Variants in CACNA2D1 observed in about 807,000 individuals in gnomAD.
CACNA2D1 encodes the protein calcium voltage-gated channel auxiliary subunit alpha2delta 1.
Under a neutral mutation model 171.5 loss-of-function variants are expected in CACNA2D1, and 53 were observed. The ratio of observed to expected loss-of-function variants is 0.31; its 90% confidence interval spans 0.25 to 0.39. The LOEUF is 0.39. Ranked by LOEUF, CACNA2D1 falls within the 10% of genes least tolerant of loss-of-function variation. The pLI, the probability that CACNA2D1 is intolerant of heterozygous loss-of-function variation, is 1.00. For synonymous variants in CACNA2D1, 442 were observed against 443.1 expected, an observed-to-expected ratio of 1.00 and a Z score of 0.03; for missense variants, 903 against 1,299.8, an observed-to-expected ratio of 0.69 and a Z score of 4.69.
At chr7:82,142,059 T>C (rs1792459854) in intron 4 of CACNA2D1, among the ~76,000 whole-genome samples, 1 of 152,162 alleles carries the variant, frequency 6.6e-6, no homozygotes, top group Non-Finnish European at 1.5e-5. Context: ...TACACAGGTT[T>C]TCAGTGGATT....
chr7:82,007,193 A>G (rs977145713), intron 16 of CACNA2D1, among the ~76,000 whole-genome samples: 1 of 152,134 alleles, frequency 6.6e-6, no homozygotes, highest in Non-Finnish European at 1.5e-5. Context: ...AAATAGAAAA[A>G]AAAAGAGAAA....
intron 3 of CACNA2D1, among the ~76,000 whole-genome samples, chr7:82,312,801 T>C (rs1237761658): frequency 6.6e-6 from 1 of 152,082 alleles, no homozygotes; most frequent in African/African-American, 2.4e-5. Context: ...CCCAAAGTAC[T>C]AGGATTACAG....
chr7:82,108,577 T>C (rs1169680245), intron 6 of CACNA2D1, among the ~76,000 whole-genome samples: 4 of 152,292 alleles, frequency 2.6e-5, no homozygotes, highest in South Asian at 4.1e-4. Flanking sequence ...CTATTACTAA[T>C]TGGTCTGCTG....
intron 3 of CACNA2D1, among the ~76,000 whole-genome samples, chr7:82,331,143 C>A (rs1392630352): frequency 2.6e-5 from 4 of 152,008 alleles, no homozygotes; most frequent in Admixed American, 2.6e-4. Flanking sequence ...GTCCCAGTTT[C>A]TTCATTGAAA....
intron 1 of CACNA2D1, among the ~76,000 whole-genome samples, chr7:82,429,282 G>T (rs1328019351): frequency 1.3e-5 from 2 of 151,918 alleles, no homozygotes; most frequent in Non-Finnish European, 2.9e-5. Context: ...TGTTTATTGT[G>T]TAATGTGTAT....
At chr7:82,050,927 G>T (rs1330096955) in intron 10 of CACNA2D1, 7 of 332,556 alleles carry the variant, frequency 2.1e-5, no homozygotes, top group African/African-American at 1.3e-4. Context: ...TTCCAAAGCT[G>T]CACAGTTATT....
chr7:82,041,258 G>A (rs936267230), intron 10 of CACNA2D1, among the ~76,000 whole-genome samples: 5 of 152,108 alleles, frequency 3.3e-5, no homozygotes, highest in Admixed American at 6.6e-5. Context: ...AAAGATGCAG[G>A]AAATAGAAGA....
intron 11 of CACNA2D1, among the ~76,000 whole-genome samples, chr7:82,037,278 A>G (rs1217956540): frequency 1.3e-5 from 2 of 152,190 alleles, no homozygotes; most frequent in Non-Finnish European, 2.9e-5. Context: ...CAGAAGTTCA[A>G]CACCAGCTTG....
chr7:82,084,167 C>T (rs1810152681), intron 7 of CACNA2D1, among the ~76,000 whole-genome samples: 1 of 152,074 alleles, frequency 6.6e-6, no homozygotes. Context: ...TCTCCTTACT[C>T]TTTTTATAAT....
At chr7:81,963,386 G>C (rs1219369757) in intron 34 of CACNA2D1, among the ~76,000 whole-genome samples, 1 of 151,906 alleles carries the variant, frequency 6.6e-6, no homozygotes, top group Middle Eastern at 3.2e-3. Flanking sequence ...AGAGAGGGAA[G>C]AGGGAGATCA....
intron 3 of CACNA2D1, among the ~76,000 whole-genome samples, chr7:82,263,784 T>C (rs1288732679): frequency 2.0e-5 from 3 of 152,256 alleles, no homozygotes; most frequent in East Asian, 3.8e-4. Flanking sequence ...AAAGGTATGT[T>C]TGATTTTCCT....
chr7:82,218,474 C>T (rs566339666), intron 3 of CACNA2D1, among the ~76,000 whole-genome samples: 12 of 152,092 alleles, frequency 7.9e-5, no homozygotes, highest in South Asian at 4.1e-4. Context: ...AGACTTTATT[C>T]CAGATTGTTT....
chr7:82,338,345 GT>G (rs936989383), intron 2 of CACNA2D1, among the ~76,000 whole-genome samples: 1 of 151,544 alleles, frequency 6.6e-6, no homozygotes. Flanking sequence ...AAAAAAAAAA[GT>G]TTTTTAGAGA....
At chr7:82,244,217 A>T (rs536028946) in intron 3 of CACNA2D1, among the ~76,000 whole-genome samples, 101 of 152,122 alleles carry the variant, frequency 6.6e-4, no homozygotes, top group African/African-American at 2.2e-3. Flanking sequence ...GATAAATAAT[A>T]CTTCATATGT....
chr7:82,149,292 A>C (rs1402291507), intron 4 of CACNA2D1, among the ~76,000 whole-genome samples: 1 of 152,146 alleles, frequency 6.6e-6, no homozygotes, highest in South Asian at 2.1e-4. Context: ...ACTGGTTTTT[A>C]ACACTGTCCT....
At chr7:81,968,270 A>C (rs1794913453) in intron 29 of CACNA2D1, among the ~76,000 whole-genome samples, 1 of 151,432 alleles carries the variant, frequency 6.6e-6, no homozygotes, top group Non-Finnish European at 1.5e-5. Flanking sequence ...TCATACAATC[A>C]AAAAAACTAA....
chr7:82,134,906 T>C (rs530606265), intron 5 of CACNA2D1, among the ~76,000 whole-genome samples: 1 of 152,232 alleles, frequency 6.6e-6, no homozygotes, highest in Non-Finnish European at 1.5e-5. Context: ...CTTTGAAGCA[T>C]TGATTGAAAC....
chr7:82,038,821 T>C (rs1803619301), intron 10 of CACNA2D1, among the ~76,000 whole-genome samples: 1 of 152,156 alleles, frequency 6.6e-6, no homozygotes, highest in African/African-American at 2.4e-5. Context: ...CAGGGGAACC[T>C]TGGAGGCAAG....
intron 3 of CACNA2D1, among the ~76,000 whole-genome samples, chr7:82,179,396 AAAATCC>A (rs1796887878): frequency 6.6e-6 from 1 of 152,132 alleles, no homozygotes; most frequent in Non-Finnish European, 1.5e-5. Context: ...AATCTAGTCT[AAAATCC>A]CACAAAATTA....
Sources: allele counts gnomAD v4.1 joint callset (sites outside exome capture counted in the v4.1 genomes callset), GRCh38; gene constraint gnomAD v4.1.1; transcripts MANE v1.5; gene names NCBI Gene and HGNC (gene_info 2026-07-23, HGNC 2026-07-21).